Variants in COL4A1 observed in about 807,000 individuals in gnomAD.
COL4A1 encodes collagen type IV alpha 1 chain, also known as collagen alpha-1(IV) chain.
COL4A1 carries 40 observed loss-of-function variants against 216.6 expected under a neutral mutation model. The observed-to-expected ratio is 0.18, with a 90% CI of 0.14 to 0.24. The LOEUF is 0.24. Among genes scored for constraint, COL4A1 ranks in the 10% least tolerant of loss-of-function variants. The probability of loss-of-function intolerance (pLI) is 1.00; values close to 1 mark genes in which losing one functional copy is unlikely to be tolerated. For synonymous variants in COL4A1, 839 were observed against 810.7 expected, an observed-to-expected ratio of 1.03 and a Z score of -0.59; for missense variants, 1,628 against 2,196.8, an observed-to-expected ratio of 0.74 and a Z score of 5.18.
At position 110,166,224 on chromosome 13, in the gene COL4A1, T is replaced by A. The variant is rs753626004; in HGVS notation, c.4021+8A>T. Reference sequence around the variant, plus strand: ...GTAAGGTGTCCACAGATCAACAAACTCTCCTACCTTTAGCTCCCGGGACGC... The same window carrying A: ...GTAAGGTGTCCACAGATCAACAAACACTCCTACCTTTAGCTCCCGGGACGC... On this transcript the variant is annotated splice_region_variant and intron_variant, in intron 45 of 51. Coordinates refer to ENST00000375820, the MANE Select transcript of COL4A1 (RefSeq NM_001845.6). The A allele has an allele frequency of 6.4e-7, 1 of 1,568,016 alleles. No individual in the cohort carries two copies. Among genetic ancestry groups the A allele is most frequent in the South Asian group, 1.1e-5 (1 of 90,142 alleles).
At chr13:110,233,210 G>A (rs77304184) in intron 2 of COL4A1, among the ~76,000 whole-genome samples, 2,594 of 152,286 alleles carry the variant, frequency 0.017, 65 homozygotes, top group African/African-American at 0.057. Flanking sequence ...GTAGGTGAAT[G>A]TGGGAACGCA....
chr13:110,165,361 G>A (rs1220463479), intron 45 of COL4A1, among the ~76,000 whole-genome samples: 2 of 152,080 alleles, frequency 1.3e-5, no homozygotes, highest in African/African-American at 4.8e-5. Context: ...TCTGCGATTA[G>A]GACATTTTTC....
At chr13:110,282,108 T>C (rs913482228) in intron 1 of COL4A1, among the ~76,000 whole-genome samples, 2 of 152,204 alleles carry the variant, frequency 1.3e-5, no homozygotes, top group African/African-American at 4.8e-5. Context: ...TTCTAGTGTA[T>C]AAAACTTTTA....
chr13:110,253,632 A>ATGTATGTATTACATATACTTATAATTATG (rs1491345215), intron 1 of COL4A1, among the ~76,000 whole-genome samples: 2 of 131,958 alleles, frequency 1.5e-5, no homozygotes, highest in African/African-American at 5.4e-5. Context: ...ATAATTATAT[A>ATGTATGTATTACATATACTTATAATTATG]TGTATGTATG....
At chr13:110,287,317 C>T (rs66553690) in intron 1 of COL4A1, among the ~76,000 whole-genome samples, 24,001 of 152,184 alleles carry the variant, frequency 0.16, 2,200 homozygotes, top group South Asian at 0.22. Flanking sequence ...CCCTAAAGCC[C>T]GAGGCCAGCC....
intron 21 of COL4A1, among the ~76,000 whole-genome samples, chr13:110,197,719 G>C (rs4773133): frequency 2.0e-5 from 3 of 152,166 alleles, no homozygotes; most frequent in Non-Finnish European, 2.9e-5. Flanking sequence ...CTTTCGTAAA[G>C]ATTTGCTTGA....
intron 45 of COL4A1, among the ~76,000 whole-genome samples, chr13:110,165,486 C>T (rs1877294156): frequency 6.6e-6 from 1 of 152,040 alleles, no homozygotes; most frequent in Non-Finnish European, 1.5e-5. Flanking sequence ...TGGTAAGAAC[C>T]ACACAAAGTG....
chr13:110,300,218 C>T (rs939979527), intron 1 of COL4A1, among the ~76,000 whole-genome samples: 1 of 152,124 alleles, frequency 6.6e-6, no homozygotes, highest in Non-Finnish European at 1.5e-5. Flanking sequence ...CAAATACTGA[C>T]CTAGTACCTT....
At chr13:110,159,182 C>T (rs1027780898) in intron 49 of COL4A1, among the ~76,000 whole-genome samples, 1 of 152,144 alleles carries the variant, frequency 6.6e-6, no homozygotes, top group Non-Finnish European at 1.5e-5. Context: ...GATATTAGTG[C>T]GGATAAACAC....
chr13:110,240,446 G>A (rs1881512889), intron 2 of COL4A1, among the ~76,000 whole-genome samples: 1 of 152,224 alleles, frequency 6.6e-6, no homozygotes, highest in Admixed American at 6.5e-5. Flanking sequence ...GGCCCCTGTA[G>A]GAAGCTGGCA....
intron 2 of COL4A1, among the ~76,000 whole-genome samples, chr13:110,235,701 A>G (rs1193971151): frequency 6.6e-6 from 1 of 151,926 alleles, no homozygotes; most frequent in East Asian, 1.9e-4. Flanking sequence ...TAATCATACA[A>G]GAAGGTAATT....
rs1383894673 is a variant in COL4A1, at chr13:110,253,341, T to TA, written c.85-10608dup. ...TATACATATAATTATATGTATTACA[T>TA]ATACATATAATTATATGTATTACAT... On this transcript the variant is annotated intron_variant, in intron 1 of 51. Coordinates refer to ENST00000375820, the MANE Select transcript of COL4A1 (RefSeq NM_001845.6). 5.1e-5 allele frequency among the ~76,000 whole-genome samples: 3 copies of TA among 58,504 alleles called. 1 individual carries two copies. Among genetic ancestry groups the TA allele is most frequent in the Admixed American group, 2.3e-4 (1 of 4,332 alleles). 38.4% of individuals were successfully genotyped at this position (58,504 alleles called of 152,430 possible).
chr13:110,174,414 G>T, intron 39 of COL4A1, 32 bp downstream of exon 39: 1 of 1,611,102 alleles, frequency 6.2e-7, no homozygotes, highest in Non-Finnish European at 8.5e-7. Context: ...TTCTCTATGT[G>T]CCCGGGCTGT....
At chr13:110,212,051 A>G in intron 6 of COL4A1, 129 bp from the exon 7 acceptor site, 3 of 976,818 alleles carry the variant, frequency 3.1e-6, no homozygotes, top group Non-Finnish European at 5.0e-6. Flanking sequence ...ACAGTTTGTC[A>G]CAAGCTGTGC....
Position 110,214,096 on chromosome 13 carries a change from T to C in COL4A1, c.145-81A>G, listed in dbSNP as rs1459924697. 4.5e-6 allele frequency: 5 copies of C among 1,121,260 alleles called. No individual in the cohort carries two copies. In the African/African-American group the frequency reaches 4.7e-5, roughly 11 times the overall value. The allele number at this position is 1,121,260 out of a possible 1,614,324, so 69.5% of individuals were successfully genotyped here. ...AATTGGTGACCAACTGTGATGGCTA[T>C]ATATATATTTTTTTTGAGATGGAGT... On this transcript the variant is annotated intron_variant, in intron 2 of 51. Transcript: ENST00000375820.
chr13:110,246,640 G>A (rs56370012), intron 1 of COL4A1, among the ~76,000 whole-genome samples: 2,944 of 152,252 alleles, frequency 0.019, 72 homozygotes, highest in African/African-American at 0.061. Flanking sequence ...GGACTCCACC[G>A]GCTCCCTGCT....
At chr13:110,192,551 A>G (rs1216969231) in intron 23 of COL4A1, among the ~76,000 whole-genome samples, 1 of 152,154 alleles carries the variant, frequency 6.6e-6, no homozygotes, top group Non-Finnish European at 1.5e-5. Flanking sequence ...CTTAAAGGAA[A>G]AACATGAATT....
intron 12 of COL4A1, among the ~76,000 whole-genome samples, chr13:110,208,319 C>A (rs1291782756): frequency 2.0e-5 from 3 of 152,228 alleles, no homozygotes; most frequent in African/African-American, 4.8e-5. Flanking sequence ...CCTGGACCTG[C>A]CCACCTCTGA....
chr13:110,245,319 G>C (rs1881750334), intron 1 of COL4A1, among the ~76,000 whole-genome samples: 1 of 152,190 alleles, frequency 6.6e-6, no homozygotes, highest in Non-Finnish European at 1.5e-5. Flanking sequence ...GTTTGCGTTT[G>C]AGCCAAGTTT....
Sources: gnomAD v4.1 joint callset for allele counts (sites outside exome capture counted in the v4.1 genomes callset) on GRCh38, gnomAD v4.1.1 for gene constraint, MANE v1.5 for transcripts, NCBI Gene and HGNC (gene_info 2026-07-23, HGNC 2026-07-21) for gene names.